Variants in COL27A1 observed in about 807,000 individuals in gnomAD.
COL27A1 encodes the protein collagen type XXVII alpha 1 chain.
A neutral mutation model predicts 251.3 loss-of-function variants in COL27A1; 106 were observed. The ratio of observed to expected loss-of-function variants is 0.42; its 90% CI spans 0.36 to 0.50. The LOEUF (loss-of-function observed/expected upper bound fraction) is 0.50, where lower values mean the gene tolerates loss of function less well. Among genes scored for constraint, COL27A1 ranks in the 20% least tolerant of loss-of-function variants. COL27A1 has a pLI of 0.00. For missense variants in COL27A1, 2,325 were observed against 2,522.8 expected (o/e 0.92, Z 1.68); for synonymous variants, 1,000 against 986.3 (o/e 1.01, Z -0.26).
chr9:114,289,735 C>T (rs1827776158), intron 45 of COL27A1, among the ~76,000 whole-genome samples: 1 of 152,088 alleles, frequency 6.6e-6, no homozygotes, highest in Non-Finnish European at 1.5e-5. Flanking sequence ...CTCTTTCCCT[C>T]CCCCGGGTGC....
At chr9:114,230,924 T>C in intron 14 of COL27A1, among the ~76,000 whole-genome samples, 155 bp from the exon 15 acceptor site, 1 of 152,320 alleles carries the variant, frequency 6.6e-6, no homozygotes, top group East Asian at 1.9e-4. Flanking sequence ...AGTGAAGGTC[T>C]CTGGATGAAG....
intron 19 of COL27A1, 71 bp from the exon 20 acceptor site, chr9:114,240,149 C>A: frequency 7.2e-7 from 1 of 1,379,802 alleles, no homozygotes; most frequent in Non-Finnish European, 1.0e-6. Context: ...GTCAGTCTCC[C>A]TGCAAGACGC....
At chr9:114,235,373 C>T (rs1427121538) in intron 16 of COL27A1, among the ~76,000 whole-genome samples, 1 of 152,206 alleles carries the variant, frequency 6.6e-6, no homozygotes, top group Non-Finnish European at 1.5e-5. Context: ...GCATTTTCAG[C>T]CATCCGAGCA....
chr9:114,261,220 A>C (rs940834216), intron 28 of COL27A1, among the ~76,000 whole-genome samples: 2 of 152,164 alleles, frequency 1.3e-5, no homozygotes, highest in African/African-American at 4.8e-5. Flanking sequence ...TTTCTGTCCC[A>C]GGCAGGAGCT....
intron 27 of COL27A1, among the ~76,000 whole-genome samples, chr9:114,257,950 C>G (rs529803516): frequency 7.1e-4 from 108 of 152,276 alleles, no homozygotes; most frequent in Admixed American, 3.3e-3. Context: ...GTAATCCCAG[C>G]AATTTGGGAG....
intron 5 of COL27A1, among the ~76,000 whole-genome samples, chr9:114,192,269 G>A (rs1189553863): frequency 6.6e-6 from 1 of 152,226 alleles, no homozygotes; most frequent in Admixed American, 6.5e-5. Context: ...TCTATCAGCT[G>A]CAGATCGAGG....
chr9:114,307,140 G>C, intron 58 of COL27A1: 1 of 185,612 alleles, frequency 5.4e-6, no homozygotes. Context: ...CCCATCCCGA[G>C]CTGCCCTTGC....
intron 44 of COL27A1, 96 bp from the exon 45 acceptor site, chr9:114,289,146 A>ACCCC: frequency 3.3e-5 from 37 of 1,126,928 alleles, no homozygotes; most frequent in Non-Finnish European, 3.8e-5. Flanking sequence ...GCACCCCCAA[A>ACCCC]CCCCTCCCCA....
At chr9:114,234,071 A>T (rs1564502329) in intron 16 of COL27A1, among the ~76,000 whole-genome samples, 1 of 152,204 alleles carries the variant, frequency 6.6e-6, no homozygotes, top group East Asian at 1.9e-4. Flanking sequence ...CAGCCTGGAG[A>T]AGCATTCTGG....
intron 10 of COL27A1, among the ~76,000 whole-genome samples, chr9:114,207,629 G>A (rs2135315550): frequency 6.6e-6 from 1 of 152,320 alleles, no homozygotes; most frequent in African/African-American, 2.4e-5. Flanking sequence ...CACAGCCCTG[G>A]GTGGGAAGCC....
intron 48 of COL27A1, among the ~76,000 whole-genome samples, chr9:114,291,309 T>G (rs949639574): frequency 3.9e-5 from 6 of 152,134 alleles, no homozygotes; most frequent in African/African-American, 1.4e-4. Flanking sequence ...GGCTGGACAC[T>G]GAAGGGGAGA....
At chr9:114,306,386 C>T (rs994020718) in intron 57 of COL27A1, 134 bp from the exon 58 acceptor site, 2 of 826,490 alleles carry the variant, frequency 2.4e-6, no homozygotes, top group Non-Finnish European at 3.7e-6. Context: ...TAAAGAGAAA[C>T]CCAACCCGTG....
At chr9:114,264,446 G>A (rs368743435) in intron 29 of COL27A1, 38 bp downstream of exon 29, 17 of 1,470,914 alleles carry the variant, frequency 1.2e-5, no homozygotes, top group African/African-American at 2.8e-5. Context: ...TCACTCCTCC[G>A]ACACTGGGTC....
At chr9:114,161,989 A>G (rs1416157726) in intron 1 of COL27A1, among the ~76,000 whole-genome samples, 1 of 152,214 alleles carries the variant, frequency 6.6e-6, no homozygotes, top group Non-Finnish European at 1.5e-5. Flanking sequence ...CCCATGTTGC[A>G]GAAGATAAGA....
At chr9:114,175,090 G>A (rs1477536536) in intron 3 of COL27A1, among the ~76,000 whole-genome samples, 4 of 12,028 alleles carry the variant, frequency 3.3e-4, no homozygotes, top group African/African-American at 5.2e-4. Flanking sequence ...GACTTGTTCC[G>A]TAGGATGGGG....
chr9:114,303,710 C>T (rs1298102174), intron 56 of COL27A1, among the ~76,000 whole-genome samples: 1 of 152,184 alleles, frequency 6.6e-6, no homozygotes, highest in Non-Finnish European at 1.5e-5. Flanking sequence ...GAGGAGTAGC[C>T]CCAGAGTCCC....
At chr9:114,300,462 G>C in intron 50 of COL27A1, 163 bp from the exon 51 acceptor site, 1 of 580,348 alleles carries the variant, frequency 1.7e-6, no homozygotes, top group South Asian at 2.3e-5. Context: ...GCTGGTACCT[G>C]CTGAATAATT....
At chr9:114,178,069 G>A (rs961984019) in intron 3 of COL27A1, among the ~76,000 whole-genome samples, 3 of 152,188 alleles carry the variant, frequency 2.0e-5, no homozygotes, top group African/African-American at 7.2e-5. Context: ...AAGTTAGCTG[G>A]GTGATAAATG....
chr9:114,236,600 C>T (rs562175382), intron 17 of COL27A1, among the ~76,000 whole-genome samples: 1 of 152,280 alleles, frequency 6.6e-6, no homozygotes, highest in East Asian at 1.9e-4. Flanking sequence ...CCTCCCTCCT[C>T]GCTGGCCTGT....
Sources: allele counts gnomAD v4.1 joint callset (sites outside exome capture counted in the v4.1 genomes callset), GRCh38; gene constraint gnomAD v4.1.1; transcripts MANE v1.5; gene names NCBI Gene and HGNC (gene_info 2026-07-23, HGNC 2026-07-21).